Variants in PTPRD observed in about 807,000 individuals in gnomAD.
The protein encoded by PTPRD is protein tyrosine phosphatase receptor type D.
PTPRD carries 34 observed loss-of-function variants against 214.5 expected under a neutral mutation model. The ratio of observed to expected loss-of-function variants is 0.16; its 90% CI spans 0.12 to 0.21. PTPRD has a LOEUF of 0.21. Among genes scored for constraint, PTPRD ranks in the 10% least tolerant of loss-of-function variants. The probability of loss-of-function intolerance (pLI) is 1.00; values close to 1 mark genes in which losing one functional copy is unlikely to be tolerated. For synonymous variants in PTPRD, 1,128 were observed against 845.7 expected, an observed-to-expected ratio of 1.33 and a Z score of -5.79; for missense variants, 2,545 against 2,398.7, an observed-to-expected ratio of 1.06 and a Z score of -1.27.
chr9:10,338,793 A>G (rs73644421), intron 3 of PTPRD, among the ~76,000 whole-genome samples: 10,239 of 151,828 alleles, frequency 0.067, 507 homozygotes, highest in South Asian at 0.16. Context: ...CAGGAGAAAA[A>G]AAATACATAT....
At chr9:9,354,452 T>G (rs1028558971) in intron 9 of PTPRD, among the ~76,000 whole-genome samples, 2 of 151,850 alleles carry the variant, frequency 1.3e-5, no homozygotes, top group Non-Finnish European at 2.9e-5. Flanking sequence ...CATATATTAA[T>G]AAGGTCTTGT....
intron 33 of PTPRD, chr9:8,454,452 C>A: frequency 1.2e-6 from 1 of 853,860 alleles, no homozygotes. Context: ...GTAGGCTTTG[C>A]CCATCTTCCA....
chr9:9,033,824 A>G (rs1999740), intron 10 of PTPRD, among the ~76,000 whole-genome samples: 15,896 of 152,062 alleles, frequency 0.1, 906 homozygotes, highest in South Asian at 0.19. Context: ...CAGTATGTAA[A>G]TTGACTTGAG....
chr9:9,949,214 T>C (rs1246902459), intron 4 of PTPRD, among the ~76,000 whole-genome samples: 2 of 152,150 alleles, frequency 1.3e-5, no homozygotes, highest in African/African-American at 2.4e-5. Context: ...GTTTCTCATT[T>C]TTTATATTTT....
intron 11 of PTPRD, among the ~76,000 whole-genome samples, chr9:8,933,707 C>T (rs1005750491): frequency 9.2e-5 from 14 of 152,190 alleles, no homozygotes; most frequent in African/African-American, 3.4e-4. Flanking sequence ...CTTAGTCTTT[C>T]AGCCAAGTCT....
chr9:9,247,399 G>A (rs1342173505), intron 9 of PTPRD, among the ~76,000 whole-genome samples: 2 of 151,950 alleles, frequency 1.3e-5, no homozygotes, highest in Admixed American at 6.6e-5. Flanking sequence ...TGTCTTTTAA[G>A]TCTTCATTCT....
At chr9:8,908,320 A>G (rs535988435) in intron 11 of PTPRD, among the ~76,000 whole-genome samples, 1 of 152,316 alleles carries the variant, frequency 6.6e-6, no homozygotes, top group East Asian at 1.9e-4. Context: ...CTGAAAGAAA[A>G]TGACATTAAT....
chr9:8,723,411 T>C (rs1490270134), intron 12 of PTPRD, among the ~76,000 whole-genome samples: 1 of 152,156 alleles, frequency 6.6e-6, no homozygotes, highest in East Asian at 1.9e-4. Context: ...TTTGCAGCAT[T>C]TATCACTCTC....
Position 8,518,366 on chromosome 9 carries a change from G to C in PTPRD, c.1025C>G (p.Thr342Arg), listed in dbSNP as rs754478667. The change falls in exon 21 of 46, where the codon ACG becomes AGG. Residue 342 changes from threonine to arginine, a missense_variant. Thr to Arg is a moderately conservative substitution (Grantham distance 71). Transcript: ENST00000381196. ...TESTATSITL[T>R]WDSGNPEPVS... ...AGGCTCAGGGTTCCCAGAGTCCCAC[G>C]TCAGTGTGATGCTTGTAGCTGTGCT... 2 of 1,614,060 alleles carry C rather than the reference G, an allele frequency of 1.2e-6. No homozygotes were observed. Among genetic ancestry groups the C allele is most frequent in the Non-Finnish European group, 1.7e-6 (2 of 1,179,988 alleles).
At chr9:8,517,543 T>A (rs1432095655) in intron 21 of PTPRD, among the ~76,000 whole-genome samples, 1 of 152,240 alleles carries the variant, frequency 6.6e-6, no homozygotes, top group Non-Finnish European at 1.5e-5. Flanking sequence ...CAAAGAAGTG[T>A]CGTTTTTCTA....
chr9:8,745,487 AATGAAG>A (rs1431922345), intron 11 of PTPRD, among the ~76,000 whole-genome samples: 1 of 152,178 alleles, frequency 6.6e-6, no homozygotes, highest in Non-Finnish European at 1.5e-5. Context: ...AATCTCACTG[AATGAAG>A]GTATTTGGCA....
intron 9 of PTPRD, among the ~76,000 whole-genome samples, chr9:9,230,028 C>A (rs1393315432): frequency 2.6e-5 from 4 of 151,918 alleles, no homozygotes; most frequent in African/African-American, 9.7e-5. Flanking sequence ...GCAATAGATT[C>A]ATCTAGTTTT....
At chr9:8,823,518 C>A (rs182872265) in intron 11 of PTPRD, among the ~76,000 whole-genome samples, 5 of 152,106 alleles carry the variant, frequency 3.3e-5, no homozygotes, top group African/African-American at 1.2e-4. Flanking sequence ...GTGGTGGTGG[C>A]GCGTGCCTGT....
chr9:10,204,693 G>C (rs1251463308), intron 3 of PTPRD, among the ~76,000 whole-genome samples: 1 of 152,090 alleles, frequency 6.6e-6, no homozygotes, highest in Non-Finnish European at 1.5e-5. Context: ...TCTTACTAGA[G>C]GAAGATTTGA....
At chr9:8,474,677 A>T (rs1347733210) in intron 30 of PTPRD, among the ~76,000 whole-genome samples, 1 of 152,134 alleles carries the variant, frequency 6.6e-6, no homozygotes, top group African/African-American at 2.4e-5. Flanking sequence ...TTTCTCCTCT[A>T]GCCTGAAACC....
intron 11 of PTPRD, among the ~76,000 whole-genome samples, chr9:8,792,727 A>T (rs1223008585): frequency 6.6e-6 from 1 of 152,166 alleles, no homozygotes; most frequent in Admixed American, 6.5e-5. Flanking sequence ...ATAGAAGAAG[A>T]CGCAAAAGCC....
chr9:9,315,323 G>C, intron 9 of PTPRD, among the ~76,000 whole-genome samples: 1 of 151,882 alleles, frequency 6.6e-6, no homozygotes, highest in East Asian at 1.9e-4. Context: ...CCATATCACT[G>C]TGATTTTCTG....
rs774579667 is a variant in PTPRD, at chr9:9,789,796, C to CAAAA, written c.-367-22949_-367-22946dup. On this transcript the variant is annotated intron_variant, in intron 5 of 45. Transcript: ENST00000381196. ...TGGGCAACAGAGCCAAACTCTGTCT[C>CAAAA]AAAAAAAAAAAAAAAAAAAAAAAAA... Among the ~76,000 whole-genome samples the CAAAA allele has an allele frequency of 5.4e-3, 221 of 40,812 alleles. 9 individuals carry two copies. Among genetic ancestry groups the CAAAA allele is most frequent in the African/African-American group, 0.015 (190 of 12,314 alleles). The allele number at this position is 40,812 out of a possible 152,430, so 26.8% of individuals were successfully genotyped here. A position where few individuals can be genotyped will look rare whatever the true frequency, so the allele number is the denominator to read the frequency against.
chr9:8,659,563 T>C (rs190572446), intron 12 of PTPRD, among the ~76,000 whole-genome samples: 6 of 152,238 alleles, frequency 3.9e-5, no homozygotes, highest in South Asian at 2.1e-4. Context: ...TTTTACACCA[T>C]GTTCTGAAGT....
Sources: allele counts gnomAD v4.1 joint callset (sites outside exome capture counted in the v4.1 genomes callset), GRCh38; gene constraint gnomAD v4.1.1; transcripts MANE v1.5; gene names NCBI Gene and HGNC (gene_info 2026-07-23, HGNC 2026-07-21).